Variants in LRP1B observed in about 807,000 individuals in gnomAD.
The protein encoded by LRP1B is low-density lipoprotein receptor-related protein 1B.
LRP1B carries 217 observed loss-of-function variants against 556.6 expected under a neutral mutation model. The ratio of observed to expected loss-of-function variants is 0.39; its 90% CI spans 0.35 to 0.44. LRP1B has a LOEUF of 0.44. LRP1B is among the 20% of genes least tolerant of loss of function. The pLI is 1.00. For missense variants in LRP1B, 5,053 were observed against 5,620.8 expected (o/e 0.90, Z 3.23); for synonymous variants, 2,047 against 1,865.8 (o/e 1.10, Z -2.50).
intron 3 of LRP1B, among the ~76,000 whole-genome samples, chr2:141,342,505 A>G (rs1024112379): frequency 2.6e-5 from 4 of 151,970 alleles, no homozygotes; most frequent in Admixed American, 6.6e-5. Context: ...GCTATAGAAT[A>G]ACCCATTTAG....
intron 2 of LRP1B, among the ~76,000 whole-genome samples, chr2:141,728,944 G>C (rs376969672): frequency 2.0e-5 from 3 of 152,082 alleles, no homozygotes; most frequent in Non-Finnish European, 4.4e-5. Context: ...AGGTGGAGAG[G>C]GGGGTGCCAG....
intron 1 of LRP1B, among the ~76,000 whole-genome samples, chr2:141,915,465 A>T (rs1300205465): frequency 2.6e-5 from 4 of 152,182 alleles, no homozygotes; most frequent in African/African-American, 9.6e-5. Flanking sequence ...TAAAAAATTA[A>T]ATGTAAGACC....
chr2:141,816,139 A>G (rs909380277), intron 1 of LRP1B, among the ~76,000 whole-genome samples: 1 of 152,138 alleles, frequency 6.6e-6, no homozygotes, highest in African/African-American at 2.4e-5. Context: ...TCTTTGGGAA[A>G]ATCTCAGAAG....
intron 1 of LRP1B, among the ~76,000 whole-genome samples, chr2:141,983,798 C>T (rs113804808): frequency 0.025 from 3,851 of 152,266 alleles, 56 homozygotes; most frequent in South Asian, 0.03. Context: ...TGGTGGCTCA[C>T]GCCTGCAATC....
intron 18 of LRP1B, among the ~76,000 whole-genome samples, chr2:140,960,580 C>CA (rs1211300660): frequency 1.3e-5 from 2 of 151,594 alleles, no homozygotes; most frequent in Admixed American, 6.6e-5. Context: ...AGCATGCACT[C>CA]AATGAAAGGG....
At chr2:140,632,740 A>G (rs1683931108) in intron 41 of LRP1B, among the ~76,000 whole-genome samples, 1 of 152,172 alleles carries the variant, frequency 6.6e-6, no homozygotes, top group South Asian at 2.1e-4. Context: ...AAAAATAAAA[A>G]CAAGACCCAA....
intron 1 of LRP1B, among the ~76,000 whole-genome samples, chr2:141,984,878 C>A (rs1327791668): frequency 8.5e-5 from 13 of 152,076 alleles, no homozygotes; most frequent in Non-Finnish European, 1.5e-4. Flanking sequence ...CAGCAATTAA[C>A]TTCATCTCAT....
intron 2 of LRP1B, among the ~76,000 whole-genome samples, chr2:141,708,901 CT>C (rs1346853853): frequency 6.6e-6 from 1 of 152,128 alleles, no homozygotes; most frequent in African/African-American, 2.4e-5. Flanking sequence ...GAAAACAAAC[CT>C]GCTAATACCT....
At chr2:140,239,862 T>A (rs1401512871) in intron 87 of LRP1B, among the ~76,000 whole-genome samples, 1 of 150,950 alleles carries the variant, frequency 6.6e-6, no homozygotes, top group Non-Finnish European at 1.5e-5. Context: ...TGCTAGTACC[T>A]CTTTTTAAAT....
intron 1 of LRP1B, among the ~76,000 whole-genome samples, chr2:141,911,865 T>G (rs901358495): frequency 6.6e-6 from 1 of 151,882 alleles, no homozygotes; most frequent in African/African-American, 2.4e-5. Flanking sequence ...CAAATAAAAT[T>G]TGTATGTGCT....
At chr2:140,579,438 A>C (rs1246826996) in intron 43 of LRP1B, among the ~76,000 whole-genome samples, 1 of 152,162 alleles carries the variant, frequency 6.6e-6, no homozygotes. Context: ...CATGACCACT[A>C]TCTCAAATGT....
Position 141,121,835 on chromosome 2 carries a change from T to G in LRP1B, c.1014-59562A>C, listed in dbSNP as rs148029063. On this transcript the variant is annotated intron_variant, in intron 7 of 90. Transcript: ENST00000389484. ...AAGAACAAAGCTGGAGACATCACGC[T>G]ACCTGACTTCATGCTATACTACAAG... Among the ~76,000 whole-genome samples, 664 of 152,242 alleles carry G rather than the reference T, an allele frequency of 4.4e-3. 9 individuals are homozygous for G. The highest frequency in any genetic ancestry group is 0.015 in the African/African-American group (631 of 41,552).
At chr2:140,318,652 A>C (rs1242656609) in intron 82 of LRP1B, among the ~76,000 whole-genome samples, 1 of 150,838 alleles carries the variant, frequency 6.6e-6, no homozygotes, top group Non-Finnish European at 1.5e-5. Context: ...TAGAATTTCC[A>C]ATAACTCTGG....
chr2:140,733,974 C>T (rs1687864092), intron 35 of LRP1B, among the ~76,000 whole-genome samples: 2 of 152,148 alleles, frequency 1.3e-5, no homozygotes, highest in Non-Finnish European at 2.9e-5. Context: ...CTTTTGGGTG[C>T]AGGCCCTGGG....
At chr2:141,546,730 C>G (rs1424944450) in intron 2 of LRP1B, among the ~76,000 whole-genome samples, 1 of 152,142 alleles carries the variant, frequency 6.6e-6, no homozygotes, top group Non-Finnish European at 1.5e-5. Context: ...CAAAATTTAA[C>G]AGCCCTCTTT....
intron 7 of LRP1B, among the ~76,000 whole-genome samples, chr2:141,163,707 C>T (rs998706020): frequency 6.6e-6 from 1 of 152,032 alleles, no homozygotes; most frequent in Non-Finnish European, 1.5e-5. Context: ...CGCATTCTCT[C>T]GTCTGCTGCC....
chr2:141,110,958 C>T (rs1294288366), intron 7 of LRP1B, among the ~76,000 whole-genome samples: 1 of 152,106 alleles, frequency 6.6e-6, no homozygotes, highest in African/African-American at 2.4e-5. Flanking sequence ...CATATCAAAA[C>T]AAAATAGCCA....
chr2:141,185,607 G>T (rs1681204068), intron 7 of LRP1B, among the ~76,000 whole-genome samples: 1 of 146,270 alleles, frequency 6.8e-6, no homozygotes, highest in South Asian at 2.1e-4. Context: ...TGGGACTGGA[G>T]CTTGGCTCAA....
intron 3 of LRP1B, among the ~76,000 whole-genome samples, chr2:141,363,617 T>A (rs958349010): frequency 2.6e-5 from 4 of 152,162 alleles, no homozygotes; most frequent in Non-Finnish European, 2.9e-5. Context: ...TAATATTTTA[T>A]ATTTAATCAA....
Sources: gnomAD v4.1 joint callset for allele counts (sites outside exome capture counted in the v4.1 genomes callset) on GRCh38, gnomAD v4.1.1 for gene constraint, MANE v1.5 for transcripts, NCBI Gene and HGNC (gene_info 2026-07-23, HGNC 2026-07-21) for gene names.